The following GRM5 variants were observed in gnomAD, a reference collection of about 807,000 sequenced individuals.
The protein encoded by GRM5 is metabotropic glutamate receptor 5.
Under a neutral mutation model 83.1 loss-of-function variants are expected in GRM5, and 19 were observed. The observed-to-expected ratio is 0.23, with a 90% CI of 0.16 to 0.34. GRM5 has a LOEUF of 0.34. GRM5 is among the 10% of genes least tolerant of loss of function. GRM5 has a pLI of 1.00. For synonymous variants in GRM5, 675 were observed against 633.6 expected, an observed-to-expected ratio of 1.07 and a Z score of -0.98; for missense variants, 1,160 against 1,588.3, an observed-to-expected ratio of 0.73 and a Z score of 4.58.
chr11:89,046,107 G>C (rs779420837), intron 2 of GRM5, among the ~76,000 whole-genome samples: 4 of 152,136 alleles, frequency 2.6e-5, no homozygotes, highest in Non-Finnish European at 4.4e-5. Context: ...ACTGAAGTCT[G>C]TGATATAGAA....
chr11:88,855,917 G>A (rs200823552), intron 2 of GRM5, among the ~76,000 whole-genome samples: 2 of 151,714 alleles, frequency 1.3e-5, no homozygotes, highest in East Asian at 1.9e-4. Context: ...CAGAAAAATA[G>A]GCAAAAAAAA....
intron 3 of GRM5, among the ~76,000 whole-genome samples, chr11:88,838,424 T>C (rs1944134086): frequency 6.6e-6 from 1 of 152,168 alleles, no homozygotes; most frequent in South Asian, 2.1e-4. Context: ...ACCTGAGTTT[T>C]TCTGTTGTCC....
intron 2 of GRM5, among the ~76,000 whole-genome samples, chr11:88,896,806 A>G (rs1945235162): frequency 6.6e-6 from 1 of 151,970 alleles, no homozygotes; most frequent in Non-Finnish European, 1.5e-5. Context: ...CTACTGATTC[A>G]ACTGTTTCTG....
chr11:88,743,255 A>T (rs548060159), intron 3 of GRM5, among the ~76,000 whole-genome samples: 1 of 152,252 alleles, frequency 6.6e-6, no homozygotes, highest in African/African-American at 2.4e-5. Context: ...TGAGGAAAAT[A>T]TCAAGAGAAA....
At chr11:88,892,798 A>T (rs1945167923) in intron 2 of GRM5, among the ~76,000 whole-genome samples, 1 of 152,034 alleles carries the variant, frequency 6.6e-6, no homozygotes, top group African/African-American at 2.4e-5. Flanking sequence ...GAGATGGGTA[A>T]TGTGAAAATC....
At chr11:88,950,031 ATT>A (rs58554674) in intron 2 of GRM5, among the ~76,000 whole-genome samples, 188 of 139,524 alleles carry the variant, frequency 1.3e-3, no homozygotes, top group Middle Eastern at 3.7e-3. Context: ...AGCCTGGCTA[ATT>A]TTTTTTTTTT....
At chr11:88,984,546 A>G (rs1939634966) in intron 2 of GRM5, among the ~76,000 whole-genome samples, 1 of 152,172 alleles carries the variant, frequency 6.6e-6, no homozygotes, top group Non-Finnish European at 1.5e-5. Flanking sequence ...ACATATGACT[A>G]TAAATGTATA....
At chr11:88,961,676 C>T (rs900226110) in intron 2 of GRM5, among the ~76,000 whole-genome samples, 5 of 152,174 alleles carry the variant, frequency 3.3e-5, no homozygotes, top group Non-Finnish European at 5.9e-5. Flanking sequence ...CATTCCAAGA[C>T]TTACTTGACT....
At chr11:88,949,557 G>A (rs2135676758) in intron 2 of GRM5, among the ~76,000 whole-genome samples, 1 of 152,300 alleles carries the variant, frequency 6.6e-6, no homozygotes, top group East Asian at 1.9e-4. Context: ...ATTAATGATT[G>A]AGACTGAGGC....
chr11:88,510,161 T>G (rs946412076), intron 9 of GRM5, among the ~76,000 whole-genome samples: 3 of 152,252 alleles, frequency 2.0e-5, no homozygotes, highest in African/African-American at 7.2e-5. Flanking sequence ...GAGAGCTTCT[T>G]TACTTCACAG....
intron 2 of GRM5, among the ~76,000 whole-genome samples, chr11:89,019,643 T>C (rs1940935560): frequency 6.6e-6 from 1 of 151,908 alleles, no homozygotes; most frequent in Non-Finnish European, 1.5e-5. Context: ...AGGTGGAGAC[T>C]GCAATGAGCC....
rs182032370 is a variant in GRM5 at position 88,910,233 on chromosome 11, T to G, written c.662-60078A>C. 4.9e-3 allele frequency among the ~76,000 whole-genome samples: 752 copies of G among 152,228 alleles called. 4 individuals are homozygous for G. The highest frequency in any genetic ancestry group is 0.017 in the African/African-American group (725 of 41,584). Reference sequence around the variant, plus strand: ...GTGTTTTCAGGGTTTATCCGTGTTGTGGCATGTATCAGACTTCATTCCTTC... The same window carrying G: ...GTGTTTTCAGGGTTTATCCGTGTTGGGGCATGTATCAGACTTCATTCCTTC... On this transcript the variant is annotated intron_variant, in intron 2 of 9. Coordinates refer to ENST00000305447, the MANE Select transcript of GRM5 (RefSeq NM_001143831.3).
chr11:88,863,166 A>G (rs1944596845), intron 2 of GRM5, among the ~76,000 whole-genome samples: 1 of 152,088 alleles, frequency 6.6e-6, no homozygotes, highest in African/African-American at 2.4e-5. Context: ...CTTGGTGGGA[A>G]TGTAAATTAT....
intron 2 of GRM5, among the ~76,000 whole-genome samples, chr11:88,869,164 A>AT (rs1944721053): frequency 6.6e-6 from 1 of 151,604 alleles, no homozygotes; most frequent in Non-Finnish European, 1.5e-5. Context: ...GATATCTGTA[A>AT]TTCTGCCCAA....
At chr11:88,884,042 T>C (rs537794492) in intron 2 of GRM5, among the ~76,000 whole-genome samples, 1 of 152,238 alleles carries the variant, frequency 6.6e-6, no homozygotes, top group East Asian at 1.9e-4. Context: ...ACTAGGGCAC[T>C]GCCTAGTGGA....
At chr11:89,002,944 T>C (rs1325173703) in intron 2 of GRM5, among the ~76,000 whole-genome samples, 4 of 152,084 alleles carry the variant, frequency 2.6e-5, no homozygotes, top group African/African-American at 9.7e-5. Context: ...TCTAACACAT[T>C]TTAGGGTTCA....
chr11:88,933,200 T>TTTC (rs780840987), intron 2 of GRM5, among the ~76,000 whole-genome samples: 1 of 147,096 alleles, frequency 6.8e-6, no homozygotes, highest in East Asian at 2.0e-4. Context: ...TTTTTTTTTT[T>TTTC]TTTTTTTGCT....
intron 2 of GRM5, among the ~76,000 whole-genome samples, chr11:88,928,811 A>G (rs1945835842): frequency 6.6e-6 from 1 of 151,776 alleles, no homozygotes; most frequent in South Asian, 2.1e-4. Context: ...TATTTTTAAA[A>G]TGTACACTGT....
At chr11:88,838,084 C>CAAAAAAAAAAAAAAAAA (rs1157680177) in intron 3 of GRM5, among the ~76,000 whole-genome samples, 6 of 55,452 alleles carry the variant, frequency 1.1e-4, no homozygotes, top group African/African-American at 3.0e-4. Context: ...GACTCCATCT[C>CAAAAAAAAAAAAAAAAA]AAAAAAAAAA....
Sources: gnomAD v4.1 joint callset for allele counts (sites outside exome capture counted in the v4.1 genomes callset) on GRCh38, gnomAD v4.1.1 for gene constraint, MANE v1.5 for transcripts, NCBI Gene and HGNC (gene_info 2026-07-23, HGNC 2026-07-21) for gene names.